Variants in CCDC91 observed in about 807,000 individuals in gnomAD.
The protein encoded by CCDC91 is coiled-coil domain-containing protein 91.
CCDC91 carries 48 observed loss-of-function variants against 63.2 expected under a neutral mutation model. That is an observed-to-expected ratio of 0.76 (90% confidence interval 0.60 to 0.97). The LOEUF (loss-of-function observed/expected upper bound fraction) is 0.97, where lower values mean the gene tolerates loss of function less well. CCDC91 is among the 50% of genes least tolerant of loss of function. The pLI is 0.00. For synonymous variants in CCDC91, 167 were observed against 165.8 expected (o/e 1.01, Z -0.06); for missense variants, 500 against 494.6 (o/e 1.01, Z -0.10).
intron 6 of CCDC91, among the ~76,000 whole-genome samples, chr12:28,343,069 T>C (rs1157367525): frequency 2.0e-5 from 3 of 151,634 alleles, no homozygotes; most frequent in African/African-American, 7.3e-5. Flanking sequence ...ATATGTTTGG[T>C]GGGGATGGGG....
intron 12 of CCDC91, among the ~76,000 whole-genome samples, chr12:28,492,158 G>C (rs1056873552): frequency 4.6e-5 from 7 of 151,656 alleles, no homozygotes; most frequent in African/African-American, 1.7e-4. Flanking sequence ...GCATGCATCT[G>C]TGTATACTTT....
At chr12:28,303,364 C>T (rs544473688) in intron 3 of CCDC91, among the ~76,000 whole-genome samples, 1 of 152,072 alleles carries the variant, frequency 6.6e-6, no homozygotes, top group East Asian at 1.9e-4. Flanking sequence ...CTCTCCCTTT[C>T]ATCTCTTTCT....
chr12:28,358,838 A>G lies in CCDC91; in HGVS notation c.577-3600A>G, dbSNP rs532408484. Among the ~76,000 whole-genome samples, 3 of 152,360 alleles carry G rather than the reference A, an allele frequency of 2.0e-5. No homozygotes were observed. The South Asian group carries it at 6.2e-4, about 32-fold the overall frequency. On this transcript the variant is annotated intron_variant, in intron 6 of 12. Transcript: ENST00000536442. ...CTGGGGTAAATAGCCTTTGAAGCACAGCAGCAAATAGCAAGTATAGCAAGT... is the reference window on the plus strand; with the variant it reads ...CTGGGGTAAATAGCCTTTGAAGCACGGCAGCAAATAGCAAGTATAGCAAGT...
At chr12:28,421,101 G>C (rs1947980139) in intron 8 of CCDC91, among the ~76,000 whole-genome samples, 1 of 151,860 alleles carries the variant, frequency 6.6e-6, no homozygotes, top group Admixed American at 6.6e-5. Flanking sequence ...AACATTTTAA[G>C]ACATTTTAGC....
At chr12:28,204,121 G>A (rs532692850) in intron 1 of CCDC91, among the ~76,000 whole-genome samples, 3 of 152,200 alleles carry the variant, frequency 2.0e-5, no homozygotes, top group African/African-American at 7.2e-5. Context: ...TCAAGCTATG[G>A]TACCTGGCAG....
chr12:28,527,949 C>T (rs551547788), intron 12 of CCDC91, among the ~76,000 whole-genome samples: 1 of 152,054 alleles, frequency 6.6e-6, no homozygotes, highest in Admixed American at 6.5e-5. Context: ...TCCCACTGTG[C>T]CCCCCCGCCA....
intron 6 of CCDC91, among the ~76,000 whole-genome samples, chr12:28,340,354 T>C (rs1327888823): frequency 6.6e-6 from 1 of 152,204 alleles, no homozygotes; most frequent in East Asian, 1.9e-4. Context: ...TCATAGGTCA[T>C]GCAACCTCTG....
At chr12:28,299,594 A>T (rs1937815826) in intron 3 of CCDC91, among the ~76,000 whole-genome samples, 1 of 151,618 alleles carries the variant, frequency 6.6e-6, no homozygotes, top group Admixed American at 6.6e-5. Flanking sequence ...TGAGAACTGT[A>T]TTAAAACCTA....
At chr12:28,392,145 A>G (rs1592529590) in intron 8 of CCDC91, among the ~76,000 whole-genome samples, 1 of 152,156 alleles carries the variant, frequency 6.6e-6, no homozygotes, top group South Asian at 2.1e-4. Flanking sequence ...TTTCAATGTC[A>G]TTTTAATAAG....
intron 6 of CCDC91, chr12:28,319,305 G>A (rs1281678997): frequency 6.6e-6 from 1 of 151,992 alleles, no homozygotes. Context: ...GCAGAAAAAA[G>A]TATTAATGCC....
rs566387277 is a variant in CCDC91 at position 28,346,248 on chromosome 12, G to A, written c.577-16190G>A. ...TTGTAATTTGTTGCCACCCCAGTGC[G>A]TGTTTTTCTGATTGAAAACCATATA... On this transcript the variant is annotated intron_variant, in intron 6 of 12. Transcript: ENST00000536442. Among the ~76,000 whole-genome samples the A allele has an allele frequency of 6.6e-4, 100 of 152,260 alleles. 4 individuals carry two copies. The South Asian group carries it at 0.019, about 28-fold the overall frequency.
intron 1 of CCDC91, among the ~76,000 whole-genome samples, chr12:28,255,286 C>G (rs1259209999): frequency 6.6e-6 from 1 of 152,136 alleles, no homozygotes; most frequent in African/African-American, 2.4e-5. Context: ...CACACAGAAG[C>G]ATTACTCTAA....
intron 12 of CCDC91, among the ~76,000 whole-genome samples, chr12:28,510,529 CTT>C (rs1242668608): frequency 3.3e-5 from 5 of 151,820 alleles, no homozygotes; most frequent in Non-Finnish European, 7.4e-5. Flanking sequence ...TTAGTCAGGT[CTT>C]CAATCAATTA....
intron 6 of CCDC91, among the ~76,000 whole-genome samples, chr12:28,318,831 T>C (rs1336545178): frequency 6.6e-6 from 1 of 152,028 alleles, no homozygotes; most frequent in Non-Finnish European, 1.5e-5. Flanking sequence ...TACAAACTAA[T>C]TGATGCCAGT....
At chr12:28,271,423 A>G (rs1947761558) in intron 3 of CCDC91, among the ~76,000 whole-genome samples, 1 of 152,104 alleles carries the variant, frequency 6.6e-6, no homozygotes, top group Non-Finnish European at 1.5e-5. Context: ...ATTCCAGGCT[A>G]TGATTTTCCC....
At chr12:28,239,281 G>A (rs150904042) in intron 1 of CCDC91, among the ~76,000 whole-genome samples, 2,267 of 152,172 alleles carry the variant, frequency 0.015, 67 homozygotes, top group African/African-American at 0.052. Context: ...GCAAATGGAT[G>A]GAGCTGTCAT....
At chr12:28,527,948 G>GC (rs1033243183) in intron 12 of CCDC91, among the ~76,000 whole-genome samples, 23 of 152,074 alleles carry the variant, frequency 1.5e-4, no homozygotes, top group South Asian at 4.2e-4. Flanking sequence ...CTCCCACTGT[G>GC]CCCCCCCGCC....
At chr12:28,465,891 TGG>T (rs1241049474) in intron 11 of CCDC91, among the ~76,000 whole-genome samples, 1 of 152,074 alleles carries the variant, frequency 6.6e-6, no homozygotes, top group Admixed American at 6.6e-5. Flanking sequence ...GAATTCAAAA[TGG>T]CTGTTTTGAG....
intron 6 of CCDC91, among the ~76,000 whole-genome samples, chr12:28,328,217 A>G (rs1240159789): frequency 1.3e-5 from 2 of 152,070 alleles, no homozygotes; most frequent in Non-Finnish European, 2.9e-5. Context: ...TTCACCTTCG[A>G]TTTCCACATC....
Sources: gnomAD v4.1 joint callset for allele counts (sites outside exome capture counted in the v4.1 genomes callset) on GRCh38, gnomAD v4.1.1 for gene constraint, MANE v1.5 for transcripts, NCBI Gene and HGNC (gene_info 2026-07-23, HGNC 2026-07-21) for gene names.